Variants in TARP observed in about 807,000 individuals in gnomAD.
chr7:38,262,750 G>C, the TARP span, among the ~76,000 whole-genome samples: 3 of 151,424 alleles, frequency 2.0e-5, no homozygotes, highest in African/African-American at 7.3e-5. Flanking sequence ...AACTCCCCAG[G>C]CTCATGAGAT....
chr7:38,267,445 A>G, the TARP span, among the ~76,000 whole-genome samples: 1 of 151,878 alleles, frequency 6.6e-6, no homozygotes, highest in South Asian at 2.1e-4. Context: ...TGAATTTAAT[A>G]ATTGAACAAT....
chr7:38,260,945 G>C, the TARP span, among the ~76,000 whole-genome samples: 1 of 151,786 alleles, frequency 6.6e-6, no homozygotes, highest in Non-Finnish European at 1.5e-5. Flanking sequence ...CGCATTCTTT[G>C]TGCATATGTA....
chr7:38,265,755 G>C, the TARP span: 1 of 1,074,440 alleles, frequency 9.3e-7, no homozygotes, highest in Non-Finnish European at 1.3e-6. Flanking sequence ...GAGTGGCCTA[G>C]TACATAACCA....
chr7:38,259,654 T>G, the TARP span: 5 of 161,142 alleles, frequency 3.1e-5, no homozygotes, highest in African/African-American at 9.7e-5. Flanking sequence ...ACTTTTCATT[T>G]TTTTAAATTT....
At chr7:38,262,363 C>A in the TARP span, 180 of 668,444 alleles carry the variant, frequency 2.7e-4, 1 homozygote, top group South Asian at 3.3e-3. Flanking sequence ...TGGTCTAATT[C>A]TGTGTAATTA....
the TARP span, chr7:38,273,469 C>G: frequency 1.2e-6 from 1 of 843,398 alleles, no homozygotes; most frequent in Non-Finnish European, 1.9e-6. Flanking sequence ...GTCACCTGAC[C>G]TCTCTGGAGA....
chr7:38,261,200 G>A, the TARP span, among the ~76,000 whole-genome samples: 2 of 151,582 alleles, frequency 1.3e-5, no homozygotes, highest in African/African-American at 2.4e-5. Flanking sequence ...CATGATGTCC[G>A]TTTTGTTTCA....
chr7:38,268,955 A>G, the TARP span, among the ~76,000 whole-genome samples: 1 of 151,214 alleles, frequency 6.6e-6, no homozygotes, highest in Non-Finnish European at 1.5e-5. Context: ...CTTAATTCAC[A>G]CTATGTTGTG....
At chr7:38,265,852 T>C in the TARP span, among the ~76,000 whole-genome samples, 1 of 151,266 alleles carries the variant, frequency 6.6e-6, no homozygotes, top group Non-Finnish European at 1.5e-5. Flanking sequence ...GTGCTTATTT[T>C]ACAGATGTTG....
At chr7:38,270,859 A>G in the TARP span, among the ~76,000 whole-genome samples, 4 of 151,262 alleles carry the variant, frequency 2.6e-5, no homozygotes, top group Non-Finnish European at 4.4e-5. Flanking sequence ...AGTTGAAGGC[A>G]CTGCCCACTC....
the TARP span, among the ~76,000 whole-genome samples, chr7:38,263,317 G>A: frequency 3.9e-5 from 6 of 151,950 alleles, no homozygotes; most frequent in Admixed American, 1.3e-4. Flanking sequence ...GCAACTTGCC[G>A]AGAATCATAT....
At chr7:38,265,039 A>C in the TARP span, among the ~76,000 whole-genome samples, 1 of 151,178 alleles carries the variant, frequency 6.6e-6, no homozygotes, top group East Asian at 1.9e-4. Flanking sequence ...ACCACGTGTC[A>C]CGTTGCTAGA....
the TARP span, among the ~76,000 whole-genome samples, chr7:38,273,308 A>G: frequency 6.6e-6 from 1 of 150,848 alleles, no homozygotes; most frequent in Admixed American, 6.7e-5. Context: ...AAATCTCAAA[A>G]CTAAACTTGT....
At chr7:38,272,192 T>C in the TARP span, among the ~76,000 whole-genome samples, 1 of 150,970 alleles carries the variant, frequency 6.6e-6, no homozygotes, top group South Asian at 2.1e-4. Context: ...TGGGAGTCGA[T>C]ACATTTATCT....
At chr7:38,273,221 C>CTT in the TARP span, among the ~76,000 whole-genome samples, 1 of 141,952 alleles carries the variant, frequency 7.0e-6, no homozygotes, top group Non-Finnish European at 1.5e-5. Flanking sequence ...TTTTGGTGAC[C>CTT]AAATAAGGAG....
chr7:38,273,586 C>G, the TARP span: 1 of 1,597,250 alleles, frequency 6.3e-7, no homozygotes, highest in Non-Finnish European at 8.5e-7. Flanking sequence ...AGAAAACTTA[C>G]CTGTAATGAT....
the TARP span, among the ~76,000 whole-genome samples, chr7:38,268,153 T>C: frequency 1.6e-4 from 25 of 151,612 alleles, no homozygotes; most frequent in Non-Finnish European, 3.7e-4. Context: ...TGGCCAAGTA[T>C]GGTACATTTT....
chr7:38,273,102 T>G, the TARP span, among the ~76,000 whole-genome samples: 14 of 151,262 alleles, frequency 9.3e-5, no homozygotes, highest in Non-Finnish European at 1.8e-4. Flanking sequence ...TTGGACCAAT[T>G]TAAATAACAA....
the TARP span, chr7:38,265,296 C>G: frequency 7.5e-7 from 1 of 1,332,336 alleles, no homozygotes; most frequent in Non-Finnish European, 1.0e-6. Flanking sequence ...GGAAAAAATG[C>G]AGCATTCACT....
Sources: allele counts gnomAD v4.1 joint callset (sites outside exome capture counted in the v4.1 genomes callset), GRCh38; gene constraint gnomAD v4.1.1; transcripts MANE v1.5.